Variants in CFAP300 observed in about 807,000 individuals in gnomAD.
CFAP300 encodes cilia- and flagella-associated protein 300.
A neutral mutation model predicts 33.0 loss-of-function variants in CFAP300; 32 were observed. The ratio of observed to expected loss-of-function variants is 0.97; its 90% CI spans 0.73 to 1.30. The LOEUF is 1.30. CFAP300 is among the 50% of genes most tolerant of loss of function. The pLI is 0.00. For missense variants in CFAP300, 356 were observed against 318.1 expected (o/e 1.12, Z -0.90); for synonymous variants, 102 against 106.8 (o/e 0.95, Z 0.28).
chr11:102,047,987 C>G (rs934051782), intron 2 of CFAP300, 91 bp downstream of exon 2: 16 of 1,201,432 alleles, frequency 1.3e-5, no homozygotes, highest in Non-Finnish European at 1.9e-5. Context: ...CACGCTATTC[C>G]TTACTGACGT....
chr11:102,075,675 T>G (rs946423685), intron 4 of CFAP300, among the ~76,000 whole-genome samples, 198 bp from the exon 5 acceptor site: 6 of 152,238 alleles, frequency 3.9e-5, no homozygotes, highest in Non-Finnish European at 1.5e-5. Flanking sequence ...TTTTGATTTG[T>G]TCTTTTCATT....
intron 5 of CFAP300, among the ~76,000 whole-genome samples, chr11:102,077,735 T>C (rs1219562601): frequency 1.3e-5 from 2 of 152,090 alleles, no homozygotes; most frequent in Admixed American, 6.5e-5. Flanking sequence ...CCACCATGCC[T>C]GGCTAATTTC....
intron 3 of CFAP300, among the ~76,000 whole-genome samples, chr11:102,060,873 C>T (rs753853950): frequency 6.6e-5 from 10 of 152,000 alleles, no homozygotes; most frequent in Non-Finnish European, 1.5e-4. Flanking sequence ...ATTTATAGAG[C>T]GAAAAGCTGG....
rs1555071691 is a variant in CFAP300 at position 102,083,171 on chromosome 11, A to G, written c.776A>G (p.His259Arg). ...PIRRHLHVLY[H>R]CYGVGDMS ...AGGCGTCACCTTCATGTTTTATACC[A>G]CTGTTATGGTGTGGGAGACATGTCT... Residue 259 changes from histidine to arginine, a missense_variant, in exon 7 of 7, where the codon CAC becomes CGC. Coordinates refer to ENST00000434758, the MANE Select transcript of CFAP300 (RefSeq NM_032930.3). 5.8e-6 allele frequency: 9 copies of G among 1,542,406 alleles called. No individual in the cohort carries two copies. The South Asian group carries it at 1.2e-4, about 20-fold the overall frequency.
chr11:102,082,063 G>A (rs1172548342), intron 6 of CFAP300, among the ~76,000 whole-genome samples: 1 of 151,900 alleles, frequency 6.6e-6, no homozygotes, highest in Non-Finnish European at 1.5e-5. Context: ...CTATTGTACT[G>A]GGCTAAGTCA....
At chr11:102,050,598 C>T (rs908769953) in intron 2 of CFAP300, among the ~76,000 whole-genome samples, 3 of 152,130 alleles carry the variant, frequency 2.0e-5, no homozygotes, top group African/African-American at 7.2e-5. Context: ...CCAAAAATTG[C>T]ATTGCAGAGA....
At chr11:102,082,095 T>G (rs902735776) in intron 6 of CFAP300, among the ~76,000 whole-genome samples, 1 of 151,982 alleles carries the variant, frequency 6.6e-6, no homozygotes, top group African/African-American at 2.4e-5. Context: ...AAAAGAAACA[T>G]AGTCCCCACC....
chr11:102,051,624 A>C (rs1941972332), intron 2 of CFAP300, among the ~76,000 whole-genome samples: 1 of 152,234 alleles, frequency 6.6e-6, no homozygotes, highest in South Asian at 2.1e-4. Context: ...TTGTCTGTCC[A>C]GTATGCATGC....
chr11:102,073,093 C>A (rs1298112247), intron 4 of CFAP300, among the ~76,000 whole-genome samples: 1 of 152,122 alleles, frequency 6.6e-6, no homozygotes, highest in African/African-American at 2.4e-5. Flanking sequence ...TCCAAGCAGG[C>A]TGATTCTTGG....
At chr11:102,065,971 CTTT>C (rs59366521) in intron 3 of CFAP300, among the ~76,000 whole-genome samples, 7 of 134,894 alleles carry the variant, frequency 5.2e-5, no homozygotes, top group Admixed American at 3.0e-4. Flanking sequence ...TTGTTATAAA[CTTT>C]TTTTTTTTTT....
intron 4 of CFAP300, among the ~76,000 whole-genome samples, chr11:102,072,005 G>C (rs1168932046): frequency 1.3e-5 from 2 of 152,076 alleles, no homozygotes; most frequent in Admixed American, 1.3e-4. Flanking sequence ...TAAGGTTCCT[G>C]TATCTGGTCG....
chr11:102,078,097 T>C (rs960101123), intron 5 of CFAP300, among the ~76,000 whole-genome samples: 16 of 152,204 alleles, frequency 1.1e-4, no homozygotes, highest in African/African-American at 3.4e-4. Flanking sequence ...TTCACCATAT[T>C]ACCCAGGCTG....
chr11:102,061,985 CAT>C (rs1942155605), intron 3 of CFAP300, among the ~76,000 whole-genome samples: 2 of 152,072 alleles, frequency 1.3e-5, no homozygotes, highest in South Asian at 2.1e-4. Flanking sequence ...CCCCTAAATT[CAT>C]ATGTTTAACC....
At chr11:102,053,692 A>G (rs1942007598) in intron 2 of CFAP300, among the ~76,000 whole-genome samples, 1 of 152,232 alleles carries the variant, frequency 6.6e-6, no homozygotes, top group Admixed American at 6.5e-5. Context: ...CCAGCTTGGC[A>G]ACAAAGTGAG....
chr11:102,056,893 G>A (rs1481268876), intron 2 of CFAP300, among the ~76,000 whole-genome samples: 1 of 151,822 alleles, frequency 6.6e-6, no homozygotes, highest in African/African-American at 2.4e-5. Flanking sequence ...CCAAAGTCCT[G>A]GGATTACAGG....
chr11:102,059,683 G>T (rs1345697214), intron 3 of CFAP300, among the ~76,000 whole-genome samples: 1 of 152,014 alleles, frequency 6.6e-6, no homozygotes, highest in Admixed American at 6.6e-5. Flanking sequence ...GGGCAAGAAT[G>T]GTCAGTTCTG....
At chr11:102,058,849 C>T in intron 2 of CFAP300, 31 bp from the exon 3 acceptor site, 1 of 1,244,074 alleles carries the variant, frequency 8.0e-7, no homozygotes, top group Non-Finnish European at 1.1e-6. Flanking sequence ...AATAAAATAT[C>T]TAACTTATTC....
intron 6 of CFAP300, among the ~76,000 whole-genome samples, chr11:102,081,914 C>T (rs60312944): frequency 0.1 from 15,373 of 150,380 alleles, 1,086 homozygotes; most frequent in African/African-American, 0.18. Context: ...AAAAGAATGC[C>T]ATAAATGTGT....
chr11:102,059,281 ATGTG>A (rs55657614), intron 3 of CFAP300, among the ~76,000 whole-genome samples: 3,048 of 148,618 alleles, frequency 0.021, 39 homozygotes, highest in Middle Eastern at 0.031. Flanking sequence ...ATATGTTAAA[ATGTG>A]TGTGTGTGTG....
Sources: gnomAD v4.1 joint callset for allele counts (sites outside exome capture counted in the v4.1 genomes callset) on GRCh38, gnomAD v4.1.1 for gene constraint, MANE v1.5 for transcripts, NCBI Gene and HGNC (gene_info 2026-07-23, HGNC 2026-07-21) for gene names.